The following ZNF469 variants were observed in gnomAD, a reference collection of about 807,000 sequenced individuals.
ZNF469 encodes zinc finger protein 469.
Under a neutral mutation model 1.0 loss-of-function variants are expected in ZNF469, and 1 was observed. The observed-to-expected ratio is 1.00, with a 90% CI of 0.35 to 4.73. The LOEUF is 4.73. Ranked by LOEUF, ZNF469 falls within the 30% of genes most tolerant of loss-of-function variation. ZNF469 has a pLI of 0.16. For missense variants in ZNF469, 6,100 were observed against 5,356.3 expected, an observed-to-expected ratio of 1.14 and a Z score of -4.33; for synonymous variants, 2,703 against 2,363.4, an observed-to-expected ratio of 1.14 and a Z score of -4.17.
At chr16:88,221,484 A>C in the ZNF469 span, among the ~76,000 whole-genome samples, 69 of 152,226 alleles carry the variant, frequency 4.5e-4, no homozygotes, top group Admixed American at 3.3e-4. Flanking sequence ...TAGACGAGCA[A>C]GAATGCATGG....
chr16:88,354,488 G>A, the ZNF469 span, among the ~76,000 whole-genome samples: 166 of 152,242 alleles, frequency 1.1e-3, no homozygotes, highest in Non-Finnish European at 2.0e-3. Flanking sequence ...CCACTTACTA[G>A]TCCTGTGACC....
the ZNF469 span, among the ~76,000 whole-genome samples, chr16:88,222,701 G>A: frequency 6.6e-6 from 1 of 151,946 alleles, no homozygotes; most frequent in East Asian, 1.9e-4. Flanking sequence ...AGGTTGTGGT[G>A]AGCCGAGATC....
chr16:88,437,457 C>A lies in ZNF469; in HGVS notation c.9987C>A (p.His3329Gln). 2 of 1,530,120 alleles carry A rather than the reference C, an allele frequency of 1.3e-6. No individual in the cohort carries two copies. Among genetic ancestry groups the A allele is most frequent in the Non-Finnish European group, 1.8e-6 (2 of 1,134,374 alleles). 94.8% of individuals were successfully genotyped at this position (1,530,120 alleles called of 1,614,324 possible). A position where few individuals can be genotyped will look rare whatever the true frequency, so the allele number is the denominator to read the frequency against. ...GEPLLQATPV[H>Q]EACKDPSRDC... Reference sequence around the variant, plus strand: ...CCCTCCTGCAAGCCACCCCGGTGCACGAGGCCTGCAAGGACCCCTCCCGCG... The same window carrying A: ...CCCTCCTGCAAGCCACCCCGGTGCAAGAGGCCTGCAAGGACCCCTCCCGCG... The change falls in exon 3 of 3, where the codon CAC (histidine) becomes CAA (glutamine). Residue 3329 changes from histidine to glutamine, a missense_variant. Coordinates refer to ENST00000565624, the MANE Select transcript of ZNF469 (RefSeq NM_001367624.2).
chr16:88,239,613 G>T, the ZNF469 span, among the ~76,000 whole-genome samples: 1 of 138,780 alleles, frequency 7.2e-6, no homozygotes, highest in Non-Finnish European at 1.5e-5. Context: ...TCAGCCTCCC[G>T]AGTAGCTGGG....
At chr16:88,150,516 G>A in the ZNF469 span, among the ~76,000 whole-genome samples, 2 of 152,186 alleles carry the variant, frequency 1.3e-5, no homozygotes, top group Non-Finnish European at 2.9e-5. Context: ...GTCATCCGGA[G>A]GGGTTGCTGA....
the ZNF469 span, chr16:88,194,516 TG>T: frequency 6.6e-6 from 1 of 152,270 alleles, no homozygotes; most frequent in Admixed American, 6.5e-5. Flanking sequence ...CACCAGGTGC[TG>T]GGCCGGCGTC....
At chr16:88,116,908 A>C in the ZNF469 span, among the ~76,000 whole-genome samples, 1 of 149,550 alleles carries the variant, frequency 6.7e-6, no homozygotes, top group Admixed American at 6.6e-5. Context: ...TGGCAGTTAC[A>C]CGAATCTACA....
chr16:88,113,172 C>G, the ZNF469 span, among the ~76,000 whole-genome samples: 1 of 152,122 alleles, frequency 6.6e-6, no homozygotes, highest in Non-Finnish European at 1.5e-5. Flanking sequence ...AAATGTTTGC[C>G]CAGGTCAATG....
the ZNF469 span, among the ~76,000 whole-genome samples, chr16:88,250,293 G>A: frequency 6.6e-6 from 1 of 152,152 alleles, no homozygotes; most frequent in Non-Finnish European, 1.5e-5. Flanking sequence ...CTTTATATGA[G>A]TGGAATCATA....
the ZNF469 span, among the ~76,000 whole-genome samples, chr16:88,286,036 G>A: frequency 0.12 from 17,830 of 152,274 alleles, 3,407 homozygotes; most frequent in African/African-American, 0.4. Context: ...ACCCACCTGT[G>A]TTTTAGCCCA....
At chr16:88,401,492 TGCTG>T (rs1904853706) in intron 1 of ZNF469, among the ~76,000 whole-genome samples, 1 of 124,932 alleles carries the variant, frequency 8.0e-6, no homozygotes, top group East Asian at 2.3e-4. Flanking sequence ...GATGGATGGA[TGCTG>T]GGGTGGGTGG....
the ZNF469 span, among the ~76,000 whole-genome samples, chr16:88,201,415 C>T: frequency 7.8e-4 from 119 of 152,058 alleles, no homozygotes; most frequent in Non-Finnish European, 1.3e-3. The surrounding 1 kb of genome is among the most constrained non-coding windows in gnomAD (Gnocchi z 5.0). Context: ...ATTAGCCGGG[C>T]GTGGTGGTAG....
the ZNF469 span, among the ~76,000 whole-genome samples, chr16:88,187,052 G>T: frequency 7.2e-5 from 11 of 152,314 alleles, no homozygotes; most frequent in East Asian, 1.9e-3. Context: ...AGGCCCCGGG[G>T]TATGAAGACG....
chr16:88,410,973 T>C (rs1224713066), intron 1 of ZNF469, among the ~76,000 whole-genome samples: 1 of 152,200 alleles, frequency 6.6e-6, no homozygotes, highest in East Asian at 1.9e-4. Context: ...CACCTCTACC[T>C]CCATCTTCAC....
the ZNF469 span, among the ~76,000 whole-genome samples, chr16:88,110,119 C>G: frequency 6.6e-6 from 1 of 152,228 alleles, no homozygotes. Context: ...AAGACAAAGA[C>G]ATGAAATCAT....
chr16:88,402,637 G>A (rs766252114), intron 1 of ZNF469, among the ~76,000 whole-genome samples: 1 of 152,188 alleles, frequency 6.6e-6, no homozygotes, highest in Non-Finnish European at 1.5e-5. Context: ...TGCCCCCACG[G>A]TCAGGGCCTC....
chr16:88,159,791 T>C, the ZNF469 span, among the ~76,000 whole-genome samples: 12 of 152,204 alleles, frequency 7.9e-5, no homozygotes, highest in African/African-American at 2.9e-4. Flanking sequence ...GGCAGCCATC[T>C]CTGTCCCTTG....
the ZNF469 span, among the ~76,000 whole-genome samples, chr16:88,310,991 AC>A: frequency 6.6e-6 from 1 of 152,148 alleles, no homozygotes; most frequent in Admixed American, 6.5e-5. Flanking sequence ...CTCCTCCTGC[AC>A]CAGGACCACA....
chr16:88,380,401 A>ACG (rs781121317), upstream of ZNF469, among the ~76,000 whole-genome samples: 1 of 146,740 alleles, frequency 6.8e-6, no homozygotes, highest in African/African-American at 2.6e-5. Flanking sequence ...ACACGCCCTC[A>ACG]CACAGACATG....
Sources: allele counts gnomAD v4.1 joint callset (sites outside exome capture counted in the v4.1 genomes callset), GRCh38; gene constraint gnomAD v4.1.1; non-coding constraint Gnocchi (gnomAD v3.1); transcripts MANE v1.5; gene names NCBI Gene and HGNC (gene_info 2026-07-23, HGNC 2026-07-21).